The following AEBP2 variants were observed in gnomAD, a reference collection of about 807,000 sequenced individuals.
AEBP2 encodes the protein AE binding protein 2.
Under a neutral mutation model 50.8 loss-of-function variants are expected in AEBP2, and 10 were observed. The ratio of observed to expected loss-of-function variants is 0.20; its 90% CI spans 0.12 to 0.33. AEBP2 has a LOEUF of 0.33. Ranked by LOEUF, AEBP2 falls within the 10% of genes least tolerant of loss-of-function variation. The pLI, the probability that AEBP2 is intolerant of heterozygous loss-of-function variation, is 1.00. For synonymous variants in AEBP2, 296 were observed against 261.3 expected (o/e 1.13, Z -1.28); for missense variants, 570 against 688.0 (o/e 0.83, Z 1.92).
intron 5 of AEBP2, among the ~76,000 whole-genome samples, chr12:19,503,484 T>C (rs1949113339): frequency 6.6e-6 from 1 of 152,202 alleles, no homozygotes; most frequent in Non-Finnish European, 1.5e-5. Flanking sequence ...TAAAGTTGTT[T>C]ATCAGGTTTA....
chr12:19,492,124 A>G (rs1948902850), intron 3 of AEBP2, among the ~76,000 whole-genome samples: 1 of 152,222 alleles, frequency 6.6e-6, no homozygotes, highest in South Asian at 2.1e-4. Flanking sequence ...TTTGGTTTTT[A>G]ACATGACACA....
intron 1 of AEBP2, among the ~76,000 whole-genome samples, chr12:19,420,590 T>A (rs1195975802): frequency 6.6e-6 from 1 of 152,074 alleles, no homozygotes; most frequent in African/African-American, 2.4e-5. Flanking sequence ...CCTCCCAAAG[T>A]GCTGGGATTA....
chr12:19,500,071 TCTTTA>T (rs1343802176), intron 4 of AEBP2, 21 bp from the exon 5 acceptor site: 1 of 1,580,954 alleles, frequency 6.3e-7, no homozygotes, highest in Non-Finnish European at 8.6e-7. Context: ...TTCTAAATAT[TCTTTA>T]CTTTTTATGT....
chr12:19,450,339 A>G (rs746377758), intron 1 of AEBP2, among the ~76,000 whole-genome samples: 2 of 151,766 alleles, frequency 1.3e-5, no homozygotes, highest in East Asian at 1.9e-4. Flanking sequence ...GTTGCTTTCT[A>G]TGACCTTGAA....
rs369892327 is a variant in AEBP2, at chr12:19,461,848, T to G, written c.672-662T>G. 1.0e-3 allele frequency among the ~76,000 whole-genome samples: 155 copies of G among 152,298 alleles called. 1 individual carries two copies. Among genetic ancestry groups the G allele is most frequent in the African/African-American group, 3.6e-3 (148 of 41,552 alleles). ...TTAGTAAATAAAAAGTAAAAGGGAT[T>G]GATTGGCATTTTCAGTCTTTTTTTT... On this transcript the variant is annotated intron_variant, in intron 1 of 7. Coordinates refer to ENST00000266508, the MANE Select transcript of AEBP2 (RefSeq NM_153207.5).
At chr12:19,408,034 A>G (rs1459560934) in intron 1 of AEBP2, among the ~76,000 whole-genome samples, 1 of 147,550 alleles carries the variant, frequency 6.8e-6, no homozygotes, top group African/African-American at 2.5e-5. Flanking sequence ...CTGGGCAACA[A>G]GAGTGAAACT....
chr12:19,481,363 A>G (rs1484067708), intron 3 of AEBP2, among the ~76,000 whole-genome samples: 1 of 151,932 alleles, frequency 6.6e-6, no homozygotes, highest in Non-Finnish European at 1.5e-5. Flanking sequence ...TCTGCCTCCC[A>G]GAGTGCTGGG....
At chr12:19,503,565 G>A (rs932486621) in intron 5 of AEBP2, among the ~76,000 whole-genome samples, 1 of 151,990 alleles carries the variant, frequency 6.6e-6, no homozygotes, top group Non-Finnish European at 1.5e-5. Context: ...AAGTAAATTC[G>A]ATTTCCTCTT....
At chr12:19,470,805 CT>C (rs1482405671) in intron 2 of AEBP2, among the ~76,000 whole-genome samples, 1 of 152,100 alleles carries the variant, frequency 6.6e-6, no homozygotes, top group African/African-American at 2.4e-5. Flanking sequence ...TAAATCTTAT[CT>C]TTAAGAGTAT....
At chr12:19,443,868 C>A (rs556210352) in intron 1 of AEBP2, among the ~76,000 whole-genome samples, 55 of 151,832 alleles carry the variant, frequency 3.6e-4, no homozygotes, top group African/African-American at 1.3e-3. Flanking sequence ...GATTTTTTTC[C>A]CCCCAGAAGA....
chr12:19,472,237 A>G (rs1948584150), intron 2 of AEBP2, among the ~76,000 whole-genome samples: 1 of 152,116 alleles, frequency 6.6e-6, no homozygotes, highest in Non-Finnish European at 1.5e-5. Context: ...TGTGTTCTAT[A>G]TGTATGTAGT....
At chr12:19,442,311 G>A (rs971854348) in intron 1 of AEBP2, among the ~76,000 whole-genome samples, 9 of 152,300 alleles carry the variant, frequency 5.9e-5, no homozygotes, top group African/African-American at 1.7e-4. Flanking sequence ...GGGAGGCTGA[G>A]GCAGGAGAAT....
chr12:19,510,339 C>T (rs897013800), intron 5 of AEBP2, among the ~76,000 whole-genome samples: 4 of 152,080 alleles, frequency 2.6e-5, no homozygotes, highest in African/African-American at 9.7e-5. Flanking sequence ...AGAGACTTTT[C>T]ACCCATTATT....
chr12:19,406,098 T>C (rs978812960), intron 1 of AEBP2, among the ~76,000 whole-genome samples: 1 of 151,898 alleles, frequency 6.6e-6, no homozygotes, highest in Admixed American at 6.6e-5. Context: ...CCCAAGTAGC[T>C]GGGATTACAG....
intron 5 of AEBP2, among the ~76,000 whole-genome samples, chr12:19,501,800 T>TGTTTG (rs1555187204): frequency 2.6e-5 from 3 of 117,252 alleles, no homozygotes; most frequent in Admixed American, 1.0e-4. Context: ...TGAGTTTGTT[T>TGTTTG]TTTTTTTTTT....
At chr12:19,427,946 T>C (rs904634402) in intron 1 of AEBP2, among the ~76,000 whole-genome samples, 1 of 152,104 alleles carries the variant, frequency 6.6e-6, no homozygotes, top group Non-Finnish European at 1.5e-5. Flanking sequence ...TCTCTCTTGT[T>C]GCCCAGGCTG....
At chr12:19,477,818 C>G (rs143753047) in intron 3 of AEBP2, among the ~76,000 whole-genome samples, 3,231 of 152,238 alleles carry the variant, frequency 0.021, 41 homozygotes, top group East Asian at 0.043. Flanking sequence ...GGAGGATTCC[C>G]TCTTTCTCTG....
At chr12:19,515,293 G>C (rs1949302399) in intron 7 of AEBP2, among the ~76,000 whole-genome samples, 2 of 152,132 alleles carry the variant, frequency 1.3e-5, no homozygotes, top group Non-Finnish European at 2.9e-5. Context: ...GCTTATGAAG[G>C]TATGTGGGGG....
Position 19,514,036 on chromosome 12 carries a change from G to A in AEBP2, c.1368-635G>A, listed in dbSNP as rs561130970. ...TTTTTTGGAGAGAGAGTCTCACTTTGACGCCCATGCTGCAGTGCAGTGGTG... is the reference window on the plus strand; with the variant it reads ...TTTTTTGGAGAGAGAGTCTCACTTTAACGCCCATGCTGCAGTGCAGTGGTG... On this transcript the variant is annotated intron_variant, in intron 6 of 7. Transcript: ENST00000266508. Among the ~76,000 whole-genome samples, 13 of 147,804 alleles carry A rather than the reference G, an allele frequency of 8.8e-5. No homozygotes were observed. In the South Asian group the frequency reaches 2.8e-3, roughly 32 times the overall value.
Sources: gnomAD v4.1 joint callset for allele counts (sites outside exome capture counted in the v4.1 genomes callset) on GRCh38, gnomAD v4.1.1 for gene constraint, MANE v1.5 for transcripts, NCBI Gene and HGNC (gene_info 2026-07-23, HGNC 2026-07-21) for gene names.